The following EPHB2 variants were observed in gnomAD, a reference collection of about 807,000 sequenced individuals.
The protein encoded by EPHB2 is ephrin type-B receptor 2.
A neutral mutation model predicts 96.4 loss-of-function variants in EPHB2; 18 were observed. The observed-to-expected ratio is 0.19, with a 90% CI of 0.13 to 0.28. EPHB2 has a LOEUF of 0.28. Among genes scored for constraint, EPHB2 ranks in the 10% least tolerant of loss-of-function variants. The pLI is 1.00. For missense variants in EPHB2, 989 were observed against 1,355.4 expected, an observed-to-expected ratio of 0.73 and a Z score of 4.25; for synonymous variants, 506 against 534.1, an observed-to-expected ratio of 0.95 and a Z score of 0.72.
intron 3 of EPHB2, among the ~76,000 whole-genome samples, chr1:22,828,318 C>A (rs1177988564): frequency 1.3e-5 from 2 of 152,146 alleles, no homozygotes; most frequent in East Asian, 1.9e-4. Context: ...AGGGCCTACA[C>A]TGGTCCATGA....
intron 5 of EPHB2, among the ~76,000 whole-genome samples, chr1:22,867,520 A>T (rs1225466436): frequency 6.6e-6 from 1 of 152,094 alleles, no homozygotes; most frequent in African/African-American, 2.4e-5. Context: ...GGTGGATTTA[A>T]GCCCTGCTCA....
At chr1:22,792,061 C>T (rs1289800162) in intron 3 of EPHB2, among the ~76,000 whole-genome samples, 1 of 152,182 alleles carries the variant, frequency 6.6e-6, no homozygotes. Context: ...TCCTGTGCTT[C>T]CCAGCCAAGG....
intron 1 of EPHB2, among the ~76,000 whole-genome samples, chr1:22,762,536 G>A (rs2817887): frequency 0.56 from 85,166 of 151,862 alleles, 24,202 homozygotes; most frequent in East Asian, 0.71. Flanking sequence ...GGGCCAAGGG[G>A]TGGTGTGTGA....
intron 13 of EPHB2, among the ~76,000 whole-genome samples, chr1:22,909,815 G>A (rs1388572967): frequency 2.6e-5 from 4 of 152,228 alleles, no homozygotes; most frequent in Non-Finnish European, 2.9e-5. Context: ...GCTGTGGAAG[G>A]TGAATCTGGC....
At chr1:22,878,766 C>T (rs1268679107) in intron 5 of EPHB2, among the ~76,000 whole-genome samples, 1 of 152,240 alleles carries the variant, frequency 6.6e-6, no homozygotes, top group African/African-American at 2.4e-5. Flanking sequence ...CAGGGCTCCC[C>T]ACCGCTAGGC....
intron 3 of EPHB2, among the ~76,000 whole-genome samples, chr1:22,828,112 G>T (rs1322270358): frequency 6.6e-6 from 1 of 152,202 alleles, no homozygotes; most frequent in Non-Finnish European, 1.5e-5. Context: ...CCAGCCCTGG[G>T]CCACTGATGG....
Position 22,753,283 on chromosome 1 carries a change from T to C in EPHB2, c.62-28138T>C, listed in dbSNP as rs138869722. ...CTCTGACCTTCAGGTGCCTCATCTGTAAAATGGGGGTCCCTTACCAGATTG... is the reference window on the plus strand; with the variant it reads ...CTCTGACCTTCAGGTGCCTCATCTGCAAAATGGGGGTCCCTTACCAGATTG... On this transcript the variant is annotated intron_variant, in intron 1 of 15. Coordinates refer to ENST00000374630, the MANE Select transcript of EPHB2 (RefSeq NM_017449.5). Among the ~76,000 whole-genome samples, 537 of 152,254 alleles carry C rather than the reference T, an allele frequency of 3.5e-3. 3 individuals are homozygous for C. Among genetic ancestry groups the C allele is most frequent in the African/African-American group, 0.012 (511 of 41,548 alleles).
intron 1 of EPHB2, among the ~76,000 whole-genome samples, chr1:22,734,692 A>G (rs988237970): frequency 2.6e-5 from 4 of 152,062 alleles, no homozygotes; most frequent in Non-Finnish European, 5.9e-5. Flanking sequence ...AAGCACTGGG[A>G]TTTACAGGCA....
At chr1:22,853,858 C>T (rs1430357077) in intron 3 of EPHB2, among the ~76,000 whole-genome samples, 6 of 152,214 alleles carry the variant, frequency 3.9e-5, no homozygotes. Context: ...AGGAGTGACT[C>T]AACAGATGGC....
At chr1:22,716,147 CAG>C (rs1307636690) in intron 1 of EPHB2, among the ~76,000 whole-genome samples, 3 of 152,186 alleles carry the variant, frequency 2.0e-5, no homozygotes, top group Admixed American at 2.0e-4. Flanking sequence ...AGAGCCCCAT[CAG>C]GGGAAAATAC....
At chr1:22,891,402 T>C (rs1254960793) in intron 6 of EPHB2, 1 of 351,332 alleles carries the variant, frequency 2.8e-6, no homozygotes, top group Non-Finnish European at 5.6e-6. Context: ...AAAAAAATTG[T>C]CTCAGGAGCT....
intron 1 of EPHB2, among the ~76,000 whole-genome samples, chr1:22,720,662 C>CCG (rs1643434593): frequency 1.3e-5 from 1 of 76,248 alleles, no homozygotes; most frequent in African/African-American, 5.1e-5. Flanking sequence ...AATCTCATTC[C>CCG]CCCCCCCCCC....
chr1:22,862,191 C>T (rs1557719439), intron 3 of EPHB2, among the ~76,000 whole-genome samples: 5 of 152,258 alleles, frequency 3.3e-5, no homozygotes, highest in Non-Finnish European at 5.9e-5. Context: ...ACCTCATACT[C>T]AGAGCTACAG....
intron 1 of EPHB2, chr1:22,775,199 T>C: frequency 1.3e-6 from 1 of 779,820 alleles, no homozygotes; most frequent in Non-Finnish European, 2.4e-6. Flanking sequence ...TGAAAATAGA[T>C]GGATGTGGGT....
chr1:22,781,335 A>AT, intron 1 of EPHB2, 86 bp from the exon 2 acceptor site: 1 of 1,250,830 alleles, frequency 8.0e-7, no homozygotes, highest in Non-Finnish European at 1.1e-6. Flanking sequence ...AAAAAAAAAA[A>AT]AGAAGAAGAA....
intron 1 of EPHB2, among the ~76,000 whole-genome samples, chr1:22,749,253 T>C (rs1023722001): frequency 6.6e-6 from 1 of 152,118 alleles, no homozygotes; most frequent in African/African-American, 2.4e-5. Flanking sequence ...ACTCCTGACC[T>C]CAAGCGATCT....
chr1:22,757,580 G>A (rs1644170681), intron 1 of EPHB2, among the ~76,000 whole-genome samples: 1 of 152,078 alleles, frequency 6.6e-6, no homozygotes, highest in Non-Finnish European at 1.5e-5. Flanking sequence ...ATTAAAAATC[G>A]ACCAGGCGTG....
intron 3 of EPHB2, among the ~76,000 whole-genome samples, chr1:22,802,611 G>T (rs1012487658): frequency 6.6e-6 from 1 of 152,048 alleles, no homozygotes; most frequent in South Asian, 2.1e-4. Flanking sequence ...GGACACAAGG[G>T]TAGTCCGTAG....
In EPHB2 at chr1:22,907,966, A is replaced by G; in HGVS notation, c.2150A>G (p.Gln717Arg). 1.9e-6 allele frequency: 3 copies of G among 1,614,238 alleles called. No homozygotes were observed. Among genetic ancestry groups the G allele is most frequent in the Non-Finnish European group, 2.5e-6 (3 of 1,180,046 alleles). Residue 717 changes from glutamine (Q) to arginine (R), a missense_variant, in exon 12 of 16, where the codon CAG becomes CGG. Gln to Arg is a conservative substitution (Grantham distance 43). Transcript: ENST00000374630. The stretch of plus-strand genomic sequence containing the variant: ...CTTCTCCCAAAGCAAAACGATGGGC[A>G]GTTCACAGTCATCCAGCTGGTGGGC... ...LDSFLRQNDG[Q>R]FTVIQLVGML...
Sources: allele counts gnomAD v4.1 joint callset (sites outside exome capture counted in the v4.1 genomes callset), GRCh38; gene constraint gnomAD v4.1.1; transcripts MANE v1.5; gene names NCBI Gene and HGNC (gene_info 2026-07-23, HGNC 2026-07-21).